Variants in HMCN1 observed in about 807,000 individuals in gnomAD.
HMCN1 encodes the protein hemicentin-1.
In HMCN1, 321 loss-of-function variants were observed where a neutral mutation model predicts 625.9. The ratio of observed to expected loss-of-function variants is 0.51; its 90% CI spans 0.47 to 0.56. HMCN1 has a LOEUF of 0.56. Among genes scored for constraint, HMCN1 ranks in the 20% least tolerant of loss-of-function variants. The pLI is 0.00. For synonymous variants in HMCN1, 2,425 were observed against 2,417.6 expected, an observed-to-expected ratio of 1.00 and a Z score of -0.09; for missense variants, 6,588 against 6,887.3, an observed-to-expected ratio of 0.96 and a Z score of 1.54.
rs1046883154 is a variant in HMCN1 at position 186,190,500 on chromosome 1, A to C, written c.*622A>C. The C allele has an allele frequency of 1.5e-5, 3 of 201,598 alleles. No homozygotes were observed. The highest frequency in any genetic ancestry group is 6.9e-5 in the African/African-American group (3 of 43,590). 12.5% of individuals were successfully genotyped at this position (201,598 alleles called of 1,614,324 possible). A position where few individuals can be genotyped will look rare whatever the true frequency, so the allele number is the denominator to read the frequency against. On this transcript the variant is annotated 3_prime_UTR_variant, in exon 107 of 107. Coordinates refer to ENST00000271588, the MANE Select transcript of HMCN1 (RefSeq NM_031935.3). ...CATTCAGAACAAGGATATTATTTTC[A>C]GTGATTTTGTGAGATCAGCTGAACC...
At chr1:186,123,324 G>A in intron 81 of HMCN1, 104 bp downstream of exon 81, 4 of 1,343,372 alleles carry the variant, frequency 3.0e-6, no homozygotes, top group Non-Finnish European at 4.1e-6. Flanking sequence ...CTTAAACTCA[G>A]TAATCCAAAG....
intron 16 of HMCN1, among the ~76,000 whole-genome samples, chr1:185,979,031 A>G (rs1651428797): frequency 6.6e-6 from 1 of 152,144 alleles, no homozygotes; most frequent in Non-Finnish European, 1.5e-5. Context: ...ACTTCCAGAT[A>G]TAAATTAAAT....
intron 16 of HMCN1, 94 bp from the exon 17 acceptor site, chr1:185,980,884 C>A: frequency 1.2e-6 from 1 of 824,672 alleles, no homozygotes; most frequent in Non-Finnish European, 2.2e-6. Context: ...GAAGGCAGTG[C>A]ACACTTTCCA....
At chr1:185,927,554 C>T (rs1667339379) in intron 9 of HMCN1, among the ~76,000 whole-genome samples, 1 of 152,118 alleles carries the variant, frequency 6.6e-6, no homozygotes, top group Non-Finnish European at 1.5e-5. Context: ...CCTAGTTGTA[C>T]CAAATACGAG....
intron 11 of HMCN1, among the ~76,000 whole-genome samples, chr1:185,952,525 C>G (rs532975100): frequency 6.6e-6 from 1 of 151,930 alleles, no homozygotes; most frequent in East Asian, 1.9e-4. Context: ...AAAAGAATGC[C>G]TGGACGTCAG....
chr1:185,749,213 A>G (rs1035679520), intron 1 of HMCN1, among the ~76,000 whole-genome samples: 3 of 152,260 alleles, frequency 2.0e-5, no homozygotes, highest in African/African-American at 7.2e-5. Flanking sequence ...ACTATATACT[A>G]TTGGTGAAAG....
intron 15 of HMCN1, among the ~76,000 whole-genome samples, chr1:185,975,367 A>G (rs936030779): frequency 4.6e-5 from 7 of 152,172 alleles, no homozygotes; most frequent in African/African-American, 1.4e-4. Context: ...TCATGGCAGA[A>G]GGCAAAAGGG....
chr1:186,012,828 G>T (rs114194708), intron 30 of HMCN1, among the ~76,000 whole-genome samples: 1 of 151,902 alleles, frequency 6.6e-6, no homozygotes, highest in Non-Finnish European at 1.5e-5. Flanking sequence ...TTGAAAAATC[G>T]GGAATATTGT....
chr1:186,177,320 AGAG>A (rs893700952), intron 103 of HMCN1: 2 of 112,140 alleles, frequency 1.8e-5, no homozygotes, highest in Non-Finnish European at 4.3e-5. Context: ...AAAAAAAAAA[AGAG>A]AGAGCAGCCA....
chr1:186,074,547 T>G (rs1341122742), intron 52 of HMCN1, among the ~76,000 whole-genome samples, 194 bp from the exon 53 acceptor site: 1 of 152,088 alleles, frequency 6.6e-6, no homozygotes, highest in Admixed American at 6.6e-5. Flanking sequence ...TTTCAATAAA[T>G]AAAAATTTGA....
chr1:185,893,006 C>T (rs996247410), intron 4 of HMCN1, among the ~76,000 whole-genome samples: 5 of 152,194 alleles, frequency 3.3e-5, no homozygotes, highest in African/African-American at 1.2e-4. Flanking sequence ...GGGATATAAT[C>T]TCGTGGTGCG....
At chr1:185,992,572 A>G (rs761699432) in intron 22 of HMCN1, among the ~76,000 whole-genome samples, 9 of 152,146 alleles carry the variant, frequency 5.9e-5, no homozygotes, top group Admixed American at 1.3e-4. Context: ...TGAGTTTTCA[A>G]ATATGCTTAG....
intron 19 of HMCN1, among the ~76,000 whole-genome samples, chr1:185,984,560 A>G (rs1478605780): frequency 6.6e-6 from 1 of 152,158 alleles, no homozygotes. Context: ...TGGTTTCTTA[A>G]TTGTTAAAAG....
At chr1:185,929,422 G>A (rs1667438297) in intron 10 of HMCN1, among the ~76,000 whole-genome samples, 1 of 152,060 alleles carries the variant, frequency 6.6e-6, no homozygotes, top group Admixed American at 6.6e-5. Context: ...GGGGAAAAAA[G>A]ACTACCATTT....
chr1:185,820,927 T>C (rs1403511465), intron 1 of HMCN1, among the ~76,000 whole-genome samples: 1 of 152,144 alleles, frequency 6.6e-6, no homozygotes, highest in African/African-American at 2.4e-5. Context: ...TATGTGGATT[T>C]TGAATAGAGA....
intron 1 of HMCN1, among the ~76,000 whole-genome samples, chr1:185,807,498 C>A (rs1659243523): frequency 6.6e-6 from 1 of 152,176 alleles, no homozygotes; most frequent in East Asian, 1.9e-4. Context: ...CAGTAATATA[C>A]ACAGGAATAC....
At chr1:185,978,033 T>A in intron 16 of HMCN1, 52 bp downstream of exon 16, 1 of 1,281,222 alleles carries the variant, frequency 7.8e-7, no homozygotes. Context: ...ATGTTATATA[T>A]TTATGTTTTA....
intron 2 of HMCN1, 151 bp downstream of exon 2, chr1:185,846,247 G>A: frequency 1.5e-6 from 1 of 656,016 alleles, no homozygotes; most frequent in Non-Finnish European, 2.7e-6. Flanking sequence ...ACCTGAGTCT[G>A]GAATGAATTG....
Position 186,171,462 on chromosome 1 carries a change from G to T in HMCN1, c.15688+12G>T. ...CAGAAAATGCATGGGTAAGAAAAGG[G>T]CTTTGAATTTAAAGGAATGACACCT... On this transcript the variant is annotated intron_variant, in intron 101 of 106. Coordinates refer to ENST00000271588, the MANE Select transcript of HMCN1 (RefSeq NM_031935.3). 6.3e-7 allele frequency: 1 copy of T among 1,576,876 alleles called. No individual in the cohort carries two copies. Among genetic ancestry groups the T allele is most frequent in the Non-Finnish European group, 8.7e-7 (1 of 1,146,412 alleles).
Sources: allele counts gnomAD v4.1 joint callset (sites outside exome capture counted in the v4.1 genomes callset), GRCh38; gene constraint gnomAD v4.1.1; transcripts MANE v1.5; gene names NCBI Gene and HGNC (gene_info 2026-07-23, HGNC 2026-07-21).